MYO1E: variants seen among roughly 807,000 people sequenced by gnomAD.
MYO1E encodes unconventional myosin-Ie.
MYO1E carries 68 observed loss-of-function variants against 151.1 expected under a neutral mutation model. The ratio of observed to expected loss-of-function variants is 0.45; its 90% CI spans 0.37 to 0.55. The LOEUF is 0.55. Ranked by LOEUF, MYO1E falls within the 20% of genes least tolerant of loss-of-function variation. MYO1E has a pLI of 0.00. For missense variants in MYO1E, 1,363 were observed against 1,389.3 expected, an observed-to-expected ratio of 0.98 and a Z score of 0.30; for synonymous variants, 601 against 501.7, an observed-to-expected ratio of 1.20 and a Z score of -2.64.
chr15:59,135,601 C>G lies in MYO1E; in HGVS notation c.*1779G>C, dbSNP rs1349270929. 6.6e-6 allele frequency: 1 copy of G among 152,230 alleles called. No individual in the cohort carries two copies. The highest frequency in any genetic ancestry group is 2.4e-5 in the African/African-American group (1 of 41,454). 9.4% of individuals were successfully genotyped at this position (152,230 alleles called of 1,614,324 possible). A position where few individuals can be genotyped will look rare whatever the true frequency, so the allele number is the denominator to read the frequency against. On this transcript the variant is annotated 3_prime_UTR_variant, in exon 28 of 28. Transcript: ENST00000288235. ...ACATGGAACTGAAGTAGCCTTTTAA[C>G]ATTATTCGTTACTGTTACAGAATGG...
At chr15:59,216,130 C>G (rs1259830101) in intron 10 of MYO1E, among the ~76,000 whole-genome samples, 1 of 152,186 alleles carries the variant, frequency 6.6e-6, no homozygotes, top group Admixed American at 6.5e-5. Context: ...TGCCTGGAAT[C>G]AAATACAGAT....
intron 9 of MYO1E, among the ~76,000 whole-genome samples, chr15:59,220,075 T>C (rs1367253278): frequency 1.3e-5 from 2 of 152,224 alleles, no homozygotes; most frequent in Admixed American, 6.5e-5. Flanking sequence ...GATTTCTTAG[T>C]TTGTTTAGCT....
chr15:59,241,306 A>G (rs1187298167), intron 4 of MYO1E, among the ~76,000 whole-genome samples: 1 of 152,206 alleles, frequency 6.6e-6, no homozygotes, highest in Non-Finnish European at 1.5e-5. Context: ...AACCAGCCTT[A>G]GCAAACAGCA....
intron 2 of MYO1E, among the ~76,000 whole-genome samples, chr15:59,265,597 T>C (rs1226769377): frequency 2.6e-5 from 4 of 152,110 alleles, no homozygotes; most frequent in South Asian, 2.1e-4. Flanking sequence ...AATTTGTACC[T>C]GCTCCCTAAA....
intron 18 of MYO1E, among the ~76,000 whole-genome samples, chr15:59,180,790 G>C (rs1275559923): frequency 6.6e-6 from 1 of 152,192 alleles, no homozygotes; most frequent in African/African-American, 2.4e-5. Flanking sequence ...TATACTCATG[G>C]GAACAGGTTG....
At chr15:59,270,358 C>A (rs2080281957) in intron 2 of MYO1E, among the ~76,000 whole-genome samples, 1 of 151,824 alleles carries the variant, frequency 6.6e-6, no homozygotes, top group African/African-American at 2.4e-5. Context: ...TTGAGACCAG[C>A]CTGGGCAACA....
intron 1 of MYO1E, among the ~76,000 whole-genome samples, chr15:59,361,487 T>C (rs2080885107): frequency 6.6e-6 from 1 of 152,136 alleles, no homozygotes; most frequent in Non-Finnish European, 1.5e-5. Context: ...GATCCAAAAT[T>C]GACCATACTC....
chr15:59,355,296 C>T (rs1168184486), intron 1 of MYO1E, among the ~76,000 whole-genome samples: 1 of 152,198 alleles, frequency 6.6e-6, no homozygotes, highest in Non-Finnish European at 1.5e-5. Flanking sequence ...ATTTACCTTG[C>T]CTGTCTCAAC....
At chr15:59,279,619 CACTGGGAAGATCA>C (rs2080341404) in intron 1 of MYO1E, among the ~76,000 whole-genome samples, 1 of 152,136 alleles carries the variant, frequency 6.6e-6, no homozygotes, top group Non-Finnish European at 1.5e-5. Flanking sequence ...CCCCCTGGGC[CACTGGGAAGATCA>C]AATAAGACTG....
chr15:59,324,875 A>G (rs1207060690), intron 1 of MYO1E, among the ~76,000 whole-genome samples: 4 of 151,806 alleles, frequency 2.6e-5, no homozygotes, highest in African/African-American at 4.8e-5. Context: ...CTCAACTACA[A>G]GTACATTTCC....
intron 13 of MYO1E, among the ~76,000 whole-genome samples, chr15:59,209,170 T>C (rs1353744259): frequency 1.3e-5 from 2 of 152,250 alleles, no homozygotes; most frequent in Admixed American, 6.5e-5. Context: ...TAAAAACATT[T>C]TCCTTTGACC....
At position 59,303,485 on chromosome 15, in the gene MYO1E, T is replaced by G. The variant is rs117688894; in HGVS notation, c.4-31036A>C. Among the ~76,000 whole-genome samples the G allele has an allele frequency of 4.4e-3, 676 of 152,206 alleles. 18 individuals are homozygous for G. The East Asian group carries it at 0.074, about 17-fold the overall frequency. On this transcript the variant is annotated intron_variant, in intron 1 of 27. Coordinates refer to ENST00000288235, the MANE Select transcript of MYO1E (RefSeq NM_004998.4). ...CAGAAGTTGCAGTGAGCCGAGACCG[T>G]ACCACTGCACTCCAGCCTGGGTAAT...
intron 1 of MYO1E, among the ~76,000 whole-genome samples, chr15:59,353,037 T>C (rs1034956572): frequency 6.6e-6 from 1 of 152,178 alleles, no homozygotes; most frequent in African/African-American, 2.4e-5. Flanking sequence ...TCTAAGGAAG[T>C]CAGCACACCT....
intron 16 of MYO1E, among the ~76,000 whole-genome samples, chr15:59,198,953 T>C (rs1353281608): frequency 2.0e-5 from 3 of 152,204 alleles, no homozygotes; most frequent in Non-Finnish European, 4.4e-5. Context: ...CAGTCTGCCT[T>C]TGCCACCTCT....
At chr15:59,227,963 T>C (rs2080002075) in intron 6 of MYO1E, among the ~76,000 whole-genome samples, 1 of 152,204 alleles carries the variant, frequency 6.6e-6, no homozygotes, top group Non-Finnish European at 1.5e-5. Context: ...CTTCATCTCA[T>C]GGCTTTGAGC....
chr15:59,207,093 G>A (rs778986327), intron 14 of MYO1E: 12 of 1,614,086 alleles, frequency 7.4e-6, no homozygotes, highest in African/African-American at 4.0e-5. Context: ...GCAAGATGGC[G>A]ACTGTGAAGA....
chr15:59,343,534 T>C (rs2080777341), intron 1 of MYO1E, among the ~76,000 whole-genome samples: 4 of 152,202 alleles, frequency 2.6e-5, no homozygotes, highest in Non-Finnish European at 5.9e-5. Context: ...CTTCTTGTAC[T>C]TAAACTTTGA....
intron 22 of MYO1E, 107 bp downstream of exon 22, chr15:59,171,790 T>C: frequency 7.1e-7 from 1 of 1,406,804 alleles, no homozygotes; most frequent in East Asian, 2.3e-5. Flanking sequence ...ATCATGATTT[T>C]GACAGCTGGG....
intron 1 of MYO1E, among the ~76,000 whole-genome samples, chr15:59,345,093 A>C (rs2080786569): frequency 6.6e-6 from 1 of 152,222 alleles, no homozygotes; most frequent in Admixed American, 6.5e-5. Flanking sequence ...TCGGGTAGAC[A>C]GAAGAGCCAC....
Sources: allele counts gnomAD v4.1 joint callset (sites outside exome capture counted in the v4.1 genomes callset), GRCh38; gene constraint gnomAD v4.1.1; transcripts MANE v1.5; gene names NCBI Gene and HGNC (gene_info 2026-07-23, HGNC 2026-07-21).